The following PIP4K2A variants were observed in gnomAD, a reference collection of about 807,000 sequenced individuals.
PIP4K2A encodes phosphatidylinositol 5-phosphate 4-kinase type-2 alpha.
Under a neutral mutation model 42.9 loss-of-function variants are expected in PIP4K2A, and 14 were observed. That is an observed-to-expected ratio of 0.33 (90% CI 0.22 to 0.51). The LOEUF (loss-of-function observed/expected upper bound fraction) is 0.51. Among genes scored for constraint, PIP4K2A ranks in the 20% least tolerant of loss-of-function variants. The probability of loss-of-function intolerance (pLI) is 0.97; values close to 1 mark genes in which losing one functional copy is unlikely to be tolerated. For missense variants in PIP4K2A, 434 were observed against 519.8 expected, an observed-to-expected ratio of 0.83 and a Z score of 1.61; for synonymous variants, 192 against 192.2, an observed-to-expected ratio of 1.00 and a Z score of 0.01.
intron 1 of PIP4K2A, among the ~76,000 whole-genome samples, chr10:22,707,129 T>G (rs73598594): frequency 6.6e-6 from 1 of 152,134 alleles, no homozygotes; most frequent in South Asian, 2.1e-4. Context: ...TTTTAAAGGA[T>G]AGTAATAATG....
rs142923065 is a variant in PIP4K2A at position 22,569,122 on chromosome 10, G to C, written c.640-1233C>G. ...CAGCTCAGGCATTGACTAGGATTGA[G>C]CTTCCTGCAATTCACAGATGCGGAA... On this transcript the variant is annotated intron_variant, in intron 5 of 9. Transcript: ENST00000376573. 17 of 1,154,414 alleles carry C rather than the reference G, an allele frequency of 1.5e-5. No homozygotes were observed. The African/African-American group carries it at 2.4e-4, about 17-fold the overall frequency. The allele number at this position is 1,154,414 out of a possible 1,614,324, so 71.5% of individuals were successfully genotyped here.
intron 1 of PIP4K2A, among the ~76,000 whole-genome samples, chr10:22,645,566 G>A (rs1043680358): frequency 8.7e-5 from 12 of 137,978 alleles, no homozygotes; most frequent in East Asian, 2.1e-4. Context: ...AAAAAAAAAA[G>A]AAAAGAAAAG....
intron 3 of PIP4K2A, among the ~76,000 whole-genome samples, chr10:22,601,164 C>CAA (rs1226127427): frequency 3.5e-5 from 2 of 57,662 alleles, no homozygotes; most frequent in Non-Finnish European, 7.3e-5. Flanking sequence ...AAAAAAAAAA[C>CAA]AAACCAGGAA....
intron 1 of PIP4K2A, among the ~76,000 whole-genome samples, chr10:22,698,532 G>A (rs1840013358): frequency 6.6e-6 from 1 of 152,176 alleles, no homozygotes; most frequent in African/African-American, 2.4e-5. Context: ...ATTATTTGTG[G>A]TGGCAAAATA....
chr10:22,611,815 C>T (rs903734877), intron 1 of PIP4K2A, among the ~76,000 whole-genome samples: 1 of 152,172 alleles, frequency 6.6e-6, no homozygotes, highest in Non-Finnish European at 1.5e-5. Context: ...AAACACAATG[C>T]GAATGAAGCT....
chr10:22,650,914 C>T (rs1326926080), intron 1 of PIP4K2A, among the ~76,000 whole-genome samples: 3 of 151,924 alleles, frequency 2.0e-5, no homozygotes, highest in South Asian at 2.1e-4. Flanking sequence ...TGGTCTGGCT[C>T]GAGCCACCTC....
At chr10:22,701,265 C>G (rs1165382479) in intron 1 of PIP4K2A, among the ~76,000 whole-genome samples, 1 of 152,188 alleles carries the variant, frequency 6.6e-6, no homozygotes, top group East Asian at 1.9e-4. Flanking sequence ...AGAAAATGAC[C>G]TAGGTGAGTC....
chr10:22,546,836 G>A (rs1326281316), intron 7 of PIP4K2A, among the ~76,000 whole-genome samples: 1 of 152,206 alleles, frequency 6.6e-6, no homozygotes, highest in Admixed American at 6.5e-5. Context: ...GGGCTTCACT[G>A]CGGGGTCTGC....
intron 1 of PIP4K2A, among the ~76,000 whole-genome samples, chr10:22,661,118 C>T (rs1402242255): frequency 2.0e-5 from 3 of 152,190 alleles, no homozygotes; most frequent in East Asian, 1.9e-4. Context: ...AAAAAGTGAA[C>T]ACCACTTCAG....
chr10:22,550,398 C>T (rs1052008990), intron 7 of PIP4K2A, among the ~76,000 whole-genome samples: 1 of 152,206 alleles, frequency 6.6e-6, no homozygotes, highest in East Asian at 1.9e-4. Context: ...ATACAGGGGC[C>T]TGGGACCGGG....
intron 1 of PIP4K2A, among the ~76,000 whole-genome samples, chr10:22,651,485 A>G (rs1838995594): frequency 6.6e-6 from 1 of 152,118 alleles, no homozygotes; most frequent in Non-Finnish European, 1.5e-5. Flanking sequence ...CCCACGCAGC[A>G]ACTCTGCCTG....
At chr10:22,693,782 G>C (rs186242895) in intron 1 of PIP4K2A, among the ~76,000 whole-genome samples, 2 of 151,716 alleles carry the variant, frequency 1.3e-5, no homozygotes, top group East Asian at 1.9e-4. Flanking sequence ...TTATTTTACT[G>C]TCTCAGCTTT....
intron 1 of PIP4K2A, among the ~76,000 whole-genome samples, chr10:22,623,579 C>T (rs1838377423): frequency 6.6e-6 from 1 of 152,124 alleles, no homozygotes; most frequent in African/African-American, 2.4e-5. Context: ...GAGGTACCCC[C>T]AGGAACAGTA....
At chr10:22,629,585 T>C (rs548587851) in intron 1 of PIP4K2A, among the ~76,000 whole-genome samples, 2 of 152,340 alleles carry the variant, frequency 1.3e-5, no homozygotes, top group South Asian at 2.1e-4. Context: ...TAATGACATA[T>C]ACTAAAAGTA....
At chr10:22,663,658 G>C (rs1588693075) in intron 1 of PIP4K2A, among the ~76,000 whole-genome samples, 1 of 151,912 alleles carries the variant, frequency 6.6e-6, no homozygotes, top group African/African-American at 2.4e-5. Context: ...AAATGTTTTT[G>C]ATATATATTC....
In PIP4K2A at chr10:22,664,116, CATAT is replaced by C. The variant is rs751644558; in HGVS notation, c.144+50063_144+50066del. ...ATATATATATATACATATATATATA[CATAT>C]ATATATATACATATATATATACATA... On this transcript the variant is annotated intron_variant, in intron 1 of 9. Coordinates refer to ENST00000376573, the MANE Select transcript of PIP4K2A (RefSeq NM_005028.5). Among the ~76,000 whole-genome samples the C allele has an allele frequency of 3.2e-3, 160 of 50,400 alleles. 1 individual carries two copies. Among genetic ancestry groups the C allele is most frequent in the Middle Eastern group, 9.6e-3 (1 of 104 alleles). 33.1% of individuals were successfully genotyped at this position (50,400 alleles called of 152,430 possible).
chr10:22,710,654 T>A (rs1404067832), intron 1 of PIP4K2A, among the ~76,000 whole-genome samples: 1 of 152,146 alleles, frequency 6.6e-6, no homozygotes, highest in Non-Finnish European at 1.5e-5. Flanking sequence ...CATGGTTCCA[T>A]TACCAGCCTT....
At chr10:22,672,666 G>C (rs1839478450) in intron 1 of PIP4K2A, among the ~76,000 whole-genome samples, 2 of 152,130 alleles carry the variant, frequency 1.3e-5, no homozygotes, top group Admixed American at 1.3e-4. Flanking sequence ...AATTCCAGAA[G>C]GGCCTATTAA....
In PIP4K2A at chr10:22,561,877, T is replaced by C. The variant is rs112336042; in HGVS notation, c.678+5974A>G. Among the ~76,000 whole-genome samples, 782 of 152,282 alleles carry C rather than the reference T, an allele frequency of 5.1e-3. 7 individuals are homozygous for C. The highest frequency in any genetic ancestry group is 8.5e-3 in the Non-Finnish European group (581 of 68,016). ...CACCATGCCCAGCCCTCTAGAAAGA[T>C]TGTTCTTTGTACCATAACGATCATT... On this transcript the variant is annotated intron_variant, in intron 6 of 9. Coordinates refer to ENST00000376573, the MANE Select transcript of PIP4K2A (RefSeq NM_005028.5).
Sources: gnomAD v4.1 joint callset for allele counts (sites outside exome capture counted in the v4.1 genomes callset) on GRCh38, gnomAD v4.1.1 for gene constraint, MANE v1.5 for transcripts, NCBI Gene and HGNC (gene_info 2026-07-23, HGNC 2026-07-21) for gene names.